The following RFX3 variants were observed in gnomAD, a reference collection of about 807,000 sequenced individuals.
RFX3 encodes regulatory factor X3.
In RFX3, 14 loss-of-function variants were observed where a neutral mutation model predicts 98.6. The observed-to-expected ratio is 0.14, with a 90% CI of 0.09 to 0.22. The LOEUF is 0.22. RFX3 is among the 10% of genes least tolerant of loss of function. The probability of loss-of-function intolerance (pLI) is 1.00; values close to 1 mark genes in which losing one functional copy is unlikely to be tolerated. For missense variants in RFX3, 639 were observed against 926.9 expected, an observed-to-expected ratio of 0.69 and a Z score of 4.03; for synonymous variants, 383 against 328.4, an observed-to-expected ratio of 1.17 and a Z score of -1.80.
At chr9:3,266,078 C>T (rs1232691922) in intron 12 of RFX3, 130 bp downstream of exon 12, 3 of 493,922 alleles carry the variant, frequency 6.1e-6, no homozygotes, top group Admixed American at 3.6e-5. Flanking sequence ...ATATAAAAAT[C>T]AGTTTTAAAA....
intron 7 of RFX3, 84 bp downstream of exon 7, chr9:3,288,047 T>G (rs777687966): frequency 8.0e-7 from 1 of 1,253,036 alleles, no homozygotes; most frequent in Non-Finnish European, 1.1e-6. Context: ...TCTTTTATAC[T>G]TAGGTATTTG....
At chr9:3,316,746 C>T (rs1830645691) in intron 4 of RFX3, among the ~76,000 whole-genome samples, 2 of 152,076 alleles carry the variant, frequency 1.3e-5, no homozygotes, top group Admixed American at 6.6e-5. Flanking sequence ...AGAGCCAAAT[C>T]ATGAATGAAC....
At chr9:3,522,687 C>T (rs984511473) in intron 1 of RFX3, among the ~76,000 whole-genome samples, 1 of 152,018 alleles carries the variant, frequency 6.6e-6, no homozygotes, top group African/African-American at 2.4e-5. Context: ...TCATTATATT[C>T]TGCCTGCTAA....
chr9:3,297,742 C>T (rs1426348033), intron 5 of RFX3, among the ~76,000 whole-genome samples: 1 of 151,778 alleles, frequency 6.6e-6, no homozygotes, highest in Non-Finnish European at 1.5e-5. Context: ...CTAAAACCAG[C>T]AAACAACAGG....
chr9:3,238,007 A>G (rs1329944815), intron 15 of RFX3, among the ~76,000 whole-genome samples: 3 of 152,080 alleles, frequency 2.0e-5, no homozygotes, highest in Non-Finnish European at 4.4e-5. Flanking sequence ...GCTCCCAGAC[A>G]AGTTAAACTC....
chr9:3,433,906 G>A (rs949540553), intron 1 of RFX3, among the ~76,000 whole-genome samples: 1 of 152,054 alleles, frequency 6.6e-6, no homozygotes, highest in Admixed American at 6.6e-5. Context: ...TAAACAAATG[G>A]GCATGGCTGT....
At chr9:3,380,711 G>C (rs1377479271) in intron 2 of RFX3, among the ~76,000 whole-genome samples, 1 of 152,124 alleles carries the variant, frequency 6.6e-6, no homozygotes, top group Admixed American at 6.6e-5. Context: ...CTAACTTGAA[G>C]TATTACCAAC....
chr9:3,433,837 G>A (rs762762328), intron 1 of RFX3, among the ~76,000 whole-genome samples: 4 of 152,152 alleles, frequency 2.6e-5, no homozygotes, highest in Non-Finnish European at 5.9e-5. Context: ...GTGGGCTAGA[G>A]TCCCTGTCAC....
intron 1 of RFX3, among the ~76,000 whole-genome samples, chr9:3,502,762 G>C (rs1816170609): frequency 6.6e-6 from 1 of 151,996 alleles, no homozygotes; most frequent in African/African-American, 2.4e-5. Context: ...GCAGAGCAAT[G>C]GACTGGCAAT....
chr9:3,404,507 C>T (rs1841784911), intron 1 of RFX3, among the ~76,000 whole-genome samples: 1 of 152,100 alleles, frequency 6.6e-6, no homozygotes, highest in African/African-American at 2.4e-5. Flanking sequence ...GATGGCTGTC[C>T]TTCCAATTTG....
At chr9:3,361,177 G>T in intron 2 of RFX3, among the ~76,000 whole-genome samples, 2 of 152,234 alleles carry the variant, frequency 1.3e-5, no homozygotes, top group Middle Eastern at 3.4e-3. Flanking sequence ...ATGTGAAACA[G>T]AAGGAAAAAG....
intron 2 of RFX3, among the ~76,000 whole-genome samples, chr9:3,393,539 AGAT>A (rs1840540947): frequency 6.8e-6 from 1 of 147,216 alleles, no homozygotes; most frequent in African/African-American, 2.6e-5. Flanking sequence ...GCCTTTAAAA[AGAT>A]AACTGTTATC....
chr9:3,340,902 G>T (rs9408234), intron 3 of RFX3, among the ~76,000 whole-genome samples: 1 of 152,020 alleles, frequency 6.6e-6, no homozygotes, highest in Non-Finnish European at 1.5e-5. Flanking sequence ...TCCCATTACT[G>T]GGTACATACC....
At chr9:3,435,831 A>G (rs1051746497) in intron 1 of RFX3, among the ~76,000 whole-genome samples, 1 of 150,320 alleles carries the variant, frequency 6.7e-6, no homozygotes, top group Non-Finnish European at 1.5e-5. Flanking sequence ...AAAAAGGATA[A>G]CACTGCCTTT....
At chr9:3,508,980 AAGAG>A (rs753304171) in intron 1 of RFX3, among the ~76,000 whole-genome samples, 3 of 151,462 alleles carry the variant, frequency 2.0e-5, no homozygotes, top group Non-Finnish European at 3.0e-5. Flanking sequence ...CACACACAGA[AAGAG>A]AGACACAGAG....
At chr9:3,441,373 C>T (rs748472509) in intron 1 of RFX3, among the ~76,000 whole-genome samples, 1 of 151,942 alleles carries the variant, frequency 6.6e-6, no homozygotes, top group Non-Finnish European at 1.5e-5. Flanking sequence ...CTGGTTCTGT[C>T]TGCCAAGCAA....
chr9:3,266,655 T>G (rs1405504440), intron 11 of RFX3, among the ~76,000 whole-genome samples: 1 of 152,086 alleles, frequency 6.6e-6, no homozygotes, highest in Non-Finnish European at 1.5e-5. Context: ...AGTTTTGTGC[T>G]AAAGGCTATG....
At chr9:3,244,163 C>T (rs560681552) in intron 15 of RFX3, among the ~76,000 whole-genome samples, 7 of 151,928 alleles carry the variant, frequency 4.6e-5, no homozygotes, top group South Asian at 2.1e-4. Context: ...CCACCACGCC[C>T]GCCTAATTTT....
At chr9:3,290,738 C>A (rs1427870330) in intron 6 of RFX3, among the ~76,000 whole-genome samples, 1 of 152,150 alleles carries the variant, frequency 6.6e-6, no homozygotes, top group Non-Finnish European at 1.5e-5. Context: ...AATCCAAAAG[C>A]TGTATAATCA....
Sources: gnomAD v4.1 joint callset for allele counts (sites outside exome capture counted in the v4.1 genomes callset) on GRCh38, gnomAD v4.1.1 for gene constraint, MANE v1.5 for transcripts, NCBI Gene and HGNC (gene_info 2026-07-23, HGNC 2026-07-21) for gene names.